LRMDA: variants seen among roughly 807,000 people sequenced by gnomAD.
LRMDA encodes leucine rich melanocyte differentiation associated.
In LRMDA, 18 loss-of-function variants were observed where a neutral mutation model predicts 29.8. The observed-to-expected ratio is 0.60, with a 90% CI of 0.42 to 0.90. The LOEUF (loss-of-function observed/expected upper bound fraction) is 0.90, where lower values mean the gene tolerates loss of function less well. LRMDA is among the 40% of genes least tolerant of loss of function. LRMDA has a pLI of 0.00. For synonymous variants in LRMDA, 125 were observed against 109.4 expected (o/e 1.14, Z -0.89); for missense variants, 273 against 273.9 (o/e 1.00, Z 0.02).
intron 2 of LRMDA, among the ~76,000 whole-genome samples, chr10:75,985,274 G>A (rs574409940): frequency 2.6e-5 from 4 of 152,270 alleles, no homozygotes; most frequent in South Asian, 4.1e-4. Context: ...GGCATCCAGC[G>A]TTTTCCATGT....
chr10:76,447,028 A>C (rs1842360344), intron 6 of LRMDA, among the ~76,000 whole-genome samples: 1 of 150,942 alleles, frequency 6.6e-6, no homozygotes, highest in East Asian at 1.9e-4. Context: ...TATATGTTGG[A>C]GACTCCATAC....
At chr10:75,763,869 G>A (rs1843128031) in intron 2 of LRMDA, among the ~76,000 whole-genome samples, 3 of 152,110 alleles carry the variant, frequency 2.0e-5, no homozygotes, top group Admixed American at 1.3e-4. Flanking sequence ...GTCAGGGGCT[G>A]TCTTTGAACC....
intron 2 of LRMDA, among the ~76,000 whole-genome samples, chr10:75,721,055 A>G (rs1412459633): frequency 6.6e-6 from 1 of 152,212 alleles, no homozygotes; most frequent in Admixed American, 6.5e-5. Context: ...GATTTAAGAC[A>G]TTTGACTTTT....
intron 2 of LRMDA, among the ~76,000 whole-genome samples, chr10:75,712,805 C>T (rs1042670769): frequency 2.0e-5 from 3 of 151,804 alleles, no homozygotes; most frequent in Non-Finnish European, 4.4e-5. Flanking sequence ...TCCCCCCACC[C>T]CCAGCCCCCC....
chr10:76,271,409 G>GAA (rs771344640), intron 5 of LRMDA, among the ~76,000 whole-genome samples: 4 of 142,482 alleles, frequency 2.8e-5, no homozygotes, highest in Non-Finnish European at 4.6e-5. Flanking sequence ...CCCTGTCTTG[G>GAA]AAAAAAAAAA....
intron 2 of LRMDA, among the ~76,000 whole-genome samples, chr10:75,754,714 G>C (rs571064039): frequency 6.6e-6 from 1 of 152,152 alleles, no homozygotes; most frequent in East Asian, 1.9e-4. Flanking sequence ...TTCTTTCTTT[G>C]ATTTGTTTTT....
At chr10:76,521,745 C>T (rs954132835) in intron 6 of LRMDA, among the ~76,000 whole-genome samples, 4 of 151,926 alleles carry the variant, frequency 2.6e-5, no homozygotes, top group Non-Finnish European at 4.4e-5. Context: ...AATATTTTTT[C>T]GTTATTATTT....
chr10:76,164,351 A>G (rs1850697272), intron 5 of LRMDA, among the ~76,000 whole-genome samples: 1 of 152,214 alleles, frequency 6.6e-6, no homozygotes, highest in African/African-American at 2.4e-5. Context: ...AGGGTAGAGT[A>G]GGTATTTATT....
chr10:76,395,722 C>T (rs1226598774), intron 6 of LRMDA, among the ~76,000 whole-genome samples: 1 of 152,196 alleles, frequency 6.6e-6, no homozygotes, highest in African/African-American at 2.4e-5. Flanking sequence ...TATTTGAGAA[C>T]TCTCTTTGTA....
rs375809788 is a variant in LRMDA, at chr10:75,992,412, A to C, written c.132-43596A>C. The stretch of plus-strand genomic sequence containing the variant: ...GAAGAATGTCCTTGCCATCTCATAC[A>C]GAGTTTCCCTATTTCTGTGTGTGCT... On this transcript the variant is annotated intron_variant, in intron 2 of 6. Transcript: ENST00000611255. Among the ~76,000 whole-genome samples, 46 of 152,324 alleles carry C rather than the reference A, an allele frequency of 3.0e-4. No individual in the cohort carries two copies. In the South Asian group the frequency reaches 9.3e-3, roughly 31 times the overall value.
At chr10:76,547,989 G>C (rs1331397020) in intron 6 of LRMDA, among the ~76,000 whole-genome samples, 1 of 152,210 alleles carries the variant, frequency 6.6e-6, no homozygotes, top group African/African-American at 2.4e-5. Context: ...AGCCTGCTAA[G>C]TAAGGGTGTG....
chr10:76,365,107 T>TATACAC lies in LRMDA; in HGVS notation c.601+40623_601+40624insTACACA, dbSNP rs141131236. On this transcript the variant is annotated intron_variant, in intron 6 of 6. Transcript: ENST00000611255. ...ACACATATATATATATATATATATATACACACACACACATACACACCACAG... is the reference window on the plus strand; with the variant it reads ...ACACATATATATATATATATATATATATACACACACACACACACATACACACCACAG... 1.7e-3 allele frequency among the ~76,000 whole-genome samples: 102 copies of TATACAC among 61,204 alleles called. 9 individuals are homozygous for TATACAC. The highest frequency in any genetic ancestry group is 2.9e-3 in the Non-Finnish European group (67 of 23,056). 40.2% of individuals were successfully genotyped at this position (61,204 alleles called of 152,430 possible).
chr10:76,453,203 A>C (rs1228464027), intron 6 of LRMDA, among the ~76,000 whole-genome samples: 3 of 152,148 alleles, frequency 2.0e-5, no homozygotes, highest in Admixed American at 2.0e-4. Context: ...AGTGGGTTGG[A>C]TCCATTGACT....
At chr10:76,108,287 A>G (rs1849520974) in intron 5 of LRMDA, among the ~76,000 whole-genome samples, 1 of 152,292 alleles carries the variant, frequency 6.6e-6, no homozygotes, top group East Asian at 1.9e-4. Flanking sequence ...CCCTCGGCCC[A>G]ACTCTGCTGT....
intron 5 of LRMDA, among the ~76,000 whole-genome samples, chr10:76,256,358 C>T (rs1852592814): frequency 6.6e-6 from 1 of 152,152 alleles, no homozygotes; most frequent in African/African-American, 2.4e-5. Context: ...GGAATTTTCT[C>T]CCACATGCAA....
At chr10:76,025,104 T>G (rs1169795684) in intron 2 of LRMDA, among the ~76,000 whole-genome samples, 3 of 152,004 alleles carry the variant, frequency 2.0e-5, no homozygotes, top group East Asian at 3.9e-4. Context: ...GCTCCATGCG[T>G]GCATGTGTGG....
chr10:75,741,124 A>C (rs955135360), intron 2 of LRMDA, among the ~76,000 whole-genome samples: 3 of 152,204 alleles, frequency 2.0e-5, no homozygotes, highest in African/African-American at 7.2e-5. Context: ...TGCCTGGTAA[A>C]GAGTATCAGA....
At chr10:75,674,840 G>T (rs1241111509) in intron 2 of LRMDA, among the ~76,000 whole-genome samples, 1 of 152,148 alleles carries the variant, frequency 6.6e-6, no homozygotes. Flanking sequence ...CAGCTGGAGG[G>T]GTTTTGGGGG....
intron 6 of LRMDA, among the ~76,000 whole-genome samples, chr10:76,519,107 G>A (rs1036357695): frequency 1.3e-5 from 2 of 152,030 alleles, no homozygotes; most frequent in South Asian, 2.1e-4. Context: ...AAAGGAGTTC[G>A]AGACCAGCCT....
Sources: gnomAD v4.1 joint callset for allele counts (sites outside exome capture counted in the v4.1 genomes callset) on GRCh38, gnomAD v4.1.1 for gene constraint, MANE v1.5 for transcripts, NCBI Gene and HGNC (gene_info 2026-07-23, HGNC 2026-07-21) for gene names.